SH3PXD2A: variants seen among roughly 807,000 people sequenced by gnomAD.
The protein encoded by SH3PXD2A is SH3 and PX domain-containing protein 2A.
A neutral mutation model predicts 115.2 loss-of-function variants in SH3PXD2A; 32 were observed. The observed-to-expected ratio is 0.28, with a 90% CI of 0.21 to 0.37. The LOEUF (loss-of-function observed/expected upper bound fraction) is 0.37, where lower values mean the gene tolerates loss of function less well. SH3PXD2A is among the 10% of genes least tolerant of loss of function. The pLI, the probability that SH3PXD2A is intolerant of heterozygous loss-of-function variation, is 1.00. For missense variants in SH3PXD2A, 1,328 were observed against 1,498.7 expected (o/e 0.89, Z 1.88); for synonymous variants, 610 against 629.1 (o/e 0.97, Z 0.45).
intron 2 of SH3PXD2A, among the ~76,000 whole-genome samples, chr10:103,797,527 C>A (rs1374276740): frequency 2.0e-5 from 3 of 152,058 alleles, no homozygotes; most frequent in African/African-American, 7.3e-5. Flanking sequence ...GGACAAGGAA[C>A]CTTCTCCAAG....
intron 13 of SH3PXD2A, chr10:103,609,529 G>A (rs1301166527): frequency 6.6e-6 from 1 of 152,252 alleles, no homozygotes; most frequent in East Asian, 1.9e-4. Context: ...AGGACATTTA[G>A]AAGCTGGCTT....
chr10:103,797,028 A>G (rs1050717037), intron 2 of SH3PXD2A, among the ~76,000 whole-genome samples: 5 of 151,862 alleles, frequency 3.3e-5, no homozygotes, highest in African/African-American at 9.7e-5. Flanking sequence ...ACACTCGGCT[A>G]ATTTTTTTTA....
intron 5 of SH3PXD2A, among the ~76,000 whole-genome samples, chr10:103,695,491 A>G (rs972238115): frequency 2.4e-4 from 37 of 151,184 alleles, no homozygotes; most frequent in Non-Finnish European, 4.7e-4. Context: ...CCTGAGTGAC[A>G]AGTGAGACTC....
rs548589618 is a variant in SH3PXD2A, at chr10:103,730,240, T to C, written c.306+5492A>G. 1.4e-4 allele frequency among the ~76,000 whole-genome samples: 21 copies of C among 150,690 alleles called. No homozygotes were observed. The East Asian group carries it at 3.7e-3, about 26-fold the overall frequency. ...AGTTTCTTTTCTCGTTTCTTTTTTT[T>C]TTTTTTTTTTTGCTCCTTCCTGCAC... On this transcript the variant is annotated intron_variant, in intron 4 of 14. Transcript: ENST00000369774.
chr10:103,649,901 G>C (rs539375594), intron 8 of SH3PXD2A, among the ~76,000 whole-genome samples: 1 of 152,306 alleles, frequency 6.6e-6, no homozygotes, highest in South Asian at 2.1e-4. Flanking sequence ...CTGGACCTGA[G>C]GGGGGACTCA....
chr10:103,827,886 G>T (rs1312929666), intron 1 of SH3PXD2A, among the ~76,000 whole-genome samples: 1 of 152,210 alleles, frequency 6.6e-6, no homozygotes, highest in East Asian at 1.9e-4. Flanking sequence ...AGAGCCACTG[G>T]TTCCTCAGCT....
intron 1 of SH3PXD2A, among the ~76,000 whole-genome samples, chr10:103,846,024 A>G (rs1386599603): frequency 6.6e-6 from 1 of 152,208 alleles, no homozygotes; most frequent in Non-Finnish European, 1.5e-5. Flanking sequence ...AGTTTCCAAC[A>G]GGTCTAAAGT....
chr10:103,634,694 C>T (rs3824778), intron 8 of SH3PXD2A, among the ~76,000 whole-genome samples: 19,710 of 152,134 alleles, frequency 0.13, 1,537 homozygotes, highest in East Asian at 0.31. Flanking sequence ...GGAGAGATGC[C>T]AGCCTGCATG....
chr10:103,626,248 C>T (rs1430788921), intron 9 of SH3PXD2A, among the ~76,000 whole-genome samples: 1 of 152,260 alleles, frequency 6.6e-6, no homozygotes, highest in Non-Finnish European at 1.5e-5. Context: ...AAGGAGCTGG[C>T]ACTTGGCGGC....
intron 5 of SH3PXD2A, among the ~76,000 whole-genome samples, chr10:103,708,811 G>A (rs1421496941): frequency 1.3e-5 from 2 of 152,074 alleles, no homozygotes; most frequent in African/African-American, 2.4e-5. Flanking sequence ...TAAGATCCTC[G>A]TGGCTGCCAG....
chr10:103,662,012 GC>G (rs1564857272), intron 7 of SH3PXD2A: 1 of 942,794 alleles, frequency 1.1e-6, no homozygotes, highest in Non-Finnish European at 1.3e-6. Context: ...CCTCAGGCCT[GC>G]CCCCAGCCCT....
chr10:103,840,670 C>T (rs2039588496), intron 1 of SH3PXD2A, among the ~76,000 whole-genome samples: 1 of 152,252 alleles, frequency 6.6e-6, no homozygotes, highest in East Asian at 1.9e-4. Flanking sequence ...CTGCCCCTTC[C>T]TAGCTTGTGA....
intron 8 of SH3PXD2A, among the ~76,000 whole-genome samples, chr10:103,639,612 AAAAAAAAAAAAAAAGAAAAAG>A (rs777738612): frequency 0.18 from 26,539 of 143,532 alleles, 2,487 homozygotes; most frequent in Non-Finnish European, 0.2. Flanking sequence ...CCGTCTTAAA[AAAAAAAAAAAAAAAGAAAAAG>A]AAAAAAAAAA....
chr10:103,725,025 A>C (rs2038223559), intron 4 of SH3PXD2A, among the ~76,000 whole-genome samples: 1 of 152,214 alleles, frequency 6.6e-6, no homozygotes, highest in Non-Finnish European at 1.5e-5. Context: ...TTTCATGACA[A>C]GTTGATAATT....
rs954361627 is a variant in SH3PXD2A at position 103,756,312 on chromosome 10, G to C, written c.229+10782C>G. On this transcript the variant is annotated intron_variant, in intron 3 of 14. Coordinates refer to ENST00000369774, the MANE Select transcript of SH3PXD2A (RefSeq NM_001394015.1). The surrounding 1 kb of genome is among the most constrained non-coding windows in gnomAD (Gnocchi z 4.4). ...TTTGTCCTTGGGCCTGGGTCCAGTTGGAGTGACCCAGGAGGGCAGTGTGCG... is the reference window on the plus strand; with the variant it reads ...TTTGTCCTTGGGCCTGGGTCCAGTTCGAGTGACCCAGGAGGGCAGTGTGCG... Among the ~76,000 whole-genome samples the C allele has an allele frequency of 3.3e-5, 5 of 152,172 alleles. No homozygotes were observed. The highest frequency in any genetic ancestry group is 2.6e-4 in the Admixed American group (4 of 15,286).
chr10:103,699,998 G>GC lies in SH3PXD2A; in HGVS notation c.399-6943dup, dbSNP rs568122187. ...TGGCCATCATAGACCCCAGAACCCC[G>GC]CCCCCCAGGCATTTTGTCTCCTGAA... On this transcript the variant is annotated intron_variant, in intron 5 of 14. Transcript: ENST00000369774. Among the ~76,000 whole-genome samples, 75 of 152,274 alleles carry GC rather than the reference G, an allele frequency of 4.9e-4. No homozygotes were observed. In the South Asian group the frequency reaches 0.014, roughly 28 times the overall value.
In SH3PXD2A at chr10:103,666,787, T is replaced by C. The variant is rs1174504378; in HGVS notation, c.472+1821A>G. On this transcript the variant is annotated intron_variant, in intron 7 of 14. Coordinates refer to ENST00000369774, the MANE Select transcript of SH3PXD2A (RefSeq NM_001394015.1). This position sits in a 1 kb window ranked among gnomAD's most constrained non-coding sequence, Gnocchi z 4.5. ...TCATAGATGGTCATTTTAAAGCAAG[T>C]GGAGGGAATGGGAGATCTGAGGAGC... 6.6e-6 allele frequency among the ~76,000 whole-genome samples: 1 copy of C among 152,164 alleles called. No individual in the cohort carries two copies. Among genetic ancestry groups the C allele is most frequent in the Non-Finnish European group, 1.5e-5 (1 of 68,028 alleles).
intron 3 of SH3PXD2A, among the ~76,000 whole-genome samples, chr10:103,759,913 G>T (rs539705114): frequency 4.6e-5 from 7 of 152,336 alleles, no homozygotes; most frequent in African/African-American, 1.7e-4. Context: ...CTCAGAAAGC[G>T]CTAAGGCACA....
intron 2 of SH3PXD2A, among the ~76,000 whole-genome samples, chr10:103,773,767 G>A (rs1052933238): frequency 5.3e-5 from 8 of 151,828 alleles, no homozygotes; most frequent in Admixed American, 2.6e-4. Flanking sequence ...AGACAGGGTC[G>A]AGCTTTTGTT....
Sources: gnomAD v4.1 joint callset for allele counts (sites outside exome capture counted in the v4.1 genomes callset) on GRCh38, gnomAD v4.1.1 for gene constraint, Gnocchi (gnomAD v3.1) non-coding constraint, MANE v1.5 for transcripts, NCBI Gene and HGNC (gene_info 2026-07-23, HGNC 2026-07-21) for gene names.